Variants in CCDC171 observed in about 807,000 individuals in gnomAD.
CCDC171 encodes coiled-coil domain-containing protein 171.
A neutral mutation model predicts 168.2 loss-of-function variants in CCDC171; 177 were observed. That is an observed-to-expected ratio of 1.05 (90% CI 0.93 to 1.19). The LOEUF (loss-of-function observed/expected upper bound fraction) is 1.19. CCDC171 is among the 50% of genes most tolerant of loss of function. The probability of loss-of-function intolerance (pLI) is 0.00; values close to 1 mark genes in which losing one functional copy is unlikely to be tolerated. For missense variants in CCDC171, 1,991 were observed against 1,539.0 expected, an observed-to-expected ratio of 1.29 and a Z score of -4.91; for synonymous variants, 687 against 540.8, an observed-to-expected ratio of 1.27 and a Z score of -3.75.
intron 21 of CCDC171, among the ~76,000 whole-genome samples, chr9:15,835,140 G>A (rs2060388540): frequency 6.6e-6 from 1 of 152,186 alleles, no homozygotes; most frequent in African/African-American, 2.4e-5. Flanking sequence ...GTATTATGAT[G>A]TGACTATTAG....
chr9:15,642,343 G>GTGTACATA (rs1369419679), intron 7 of CCDC171, among the ~76,000 whole-genome samples: 3 of 107,570 alleles, frequency 2.8e-5, no homozygotes, highest in African/African-American at 1.5e-4. Flanking sequence ...GTGTGTGTGT[G>GTGTACATA]TATATATATA....
intron 6 of CCDC171, among the ~76,000 whole-genome samples, chr9:15,608,891 A>C (rs912550899): frequency 7.5e-6 from 1 of 132,966 alleles, no homozygotes; most frequent in Non-Finnish European, 1.5e-5. Flanking sequence ...CTGGGAGGTC[A>C]AGGCTGCATT....
intron 25 of CCDC171, among the ~76,000 whole-genome samples, chr9:15,969,616 A>G (rs2132776003): frequency 6.6e-6 from 1 of 152,304 alleles, no homozygotes; most frequent in African/African-American, 2.4e-5. Context: ...AAGATGTATC[A>G]AAACAAACTT....
chr9:15,960,079 C>G (rs1418743089), intron 25 of CCDC171, among the ~76,000 whole-genome samples: 2 of 152,118 alleles, frequency 1.3e-5, no homozygotes, highest in Non-Finnish European at 2.9e-5. Flanking sequence ...ATGAGCAGGA[C>G]AGGGAAGGAC....
chr9:16,006,476 A>C (rs1480955607), intron 3 of CCDC171, among the ~76,000 whole-genome samples: 1 of 152,152 alleles, frequency 6.6e-6, no homozygotes, highest in Non-Finnish European at 1.5e-5. Context: ...ACATGTGCAC[A>C]ACGTGCAGGT....
chr9:15,674,302 A>G (rs962301828), intron 9 of CCDC171, among the ~76,000 whole-genome samples: 1 of 152,036 alleles, frequency 6.6e-6, no homozygotes, highest in Non-Finnish European at 1.5e-5. Flanking sequence ...TGATCTTTTC[A>G]AAAAACGAGC....
At chr9:15,572,302 T>A (rs933362490) in intron 3 of CCDC171, among the ~76,000 whole-genome samples, 1 of 152,196 alleles carries the variant, frequency 6.6e-6, no homozygotes, top group African/African-American at 2.4e-5. Flanking sequence ...GCCTCTTCTC[T>A]CTGCTGTGTT....
chr9:15,905,402 C>A (rs1359583079), intron 24 of CCDC171, among the ~76,000 whole-genome samples: 1 of 152,160 alleles, frequency 6.6e-6, no homozygotes, highest in South Asian at 2.1e-4. Context: ...GGAAACTGAA[C>A]AACCTGCTCC....
the CCDC171 span, among the ~76,000 whole-genome samples, chr9:16,099,608 G>T: frequency 1.3e-5 from 2 of 152,150 alleles, no homozygotes; most frequent in Non-Finnish European, 2.9e-5. Context: ...CTTGTGGAAG[G>T]CACCTTTGTA....
chr9:15,868,749 G>T (rs2061899818), intron 23 of CCDC171, among the ~76,000 whole-genome samples: 1 of 151,902 alleles, frequency 6.6e-6, no homozygotes, highest in Non-Finnish European at 1.5e-5. Flanking sequence ...ATTATTGTTT[G>T]GCGCTAAGAG....
intron 7 of CCDC171, among the ~76,000 whole-genome samples, chr9:15,646,898 G>T (rs1467374518): frequency 1.3e-5 from 2 of 152,162 alleles, no homozygotes; most frequent in Non-Finnish European, 2.9e-5. Context: ...GCACCAAGTG[G>T]ACCTAATAGA....
intron 21 of CCDC171, among the ~76,000 whole-genome samples, chr9:15,825,859 C>T (rs2059990233): frequency 6.6e-6 from 1 of 152,124 alleles, no homozygotes; most frequent in South Asian, 2.1e-4. Flanking sequence ...GGTAGAGGGG[C>T]ACCAAAATGT....
At chr9:15,669,609 G>A (rs1034737552) in intron 9 of CCDC171, among the ~76,000 whole-genome samples, 2 of 152,072 alleles carry the variant, frequency 1.3e-5, no homozygotes. Flanking sequence ...TTAACCATCT[G>A]AATTTTCAAA....
intron 3 of CCDC171, among the ~76,000 whole-genome samples, chr9:15,577,033 GGTTT>G (rs2040727117): frequency 6.6e-6 from 1 of 152,144 alleles, no homozygotes; most frequent in African/African-American, 2.4e-5. Flanking sequence ...ATAGTTTTTA[GGTTT>G]GTTTAATTCT....
chr9:15,686,369 C>CA (rs2050393735), intron 10 of CCDC171, among the ~76,000 whole-genome samples: 1 of 151,934 alleles, frequency 6.6e-6, no homozygotes, highest in African/African-American at 2.4e-5. Context: ...ATGGTGCTAA[C>CA]AATCTTGGTC....
rs770179485 is a variant in CCDC171 at position 15,897,523 on chromosome 9, T to C, written c.3601-22747T>C. 3.8e-4 allele frequency among the ~76,000 whole-genome samples: 58 copies of C among 152,230 alleles called. 1 individual carries two copies. Among genetic ancestry groups the C allele is most frequent in the Non-Finnish European group, 6.9e-4 (47 of 67,990 alleles). On this transcript the variant is annotated intron_variant, in intron 24 of 25. Transcript: ENST00000380701. ...AATGAATGAAGTTCCCAAGAAAATA[T>C]CATTTGAAGTTCTTTTATTTGAAAT...
intron 18 of CCDC171, among the ~76,000 whole-genome samples, chr9:15,773,660 C>T (rs2057132357): frequency 6.6e-6 from 1 of 151,814 alleles, no homozygotes; most frequent in African/African-American, 2.4e-5. Flanking sequence ...CCTCTTATTT[C>T]TGTATTATTA....
rs1055963217 is a variant in CCDC171 at position 15,991,258 on chromosome 9, A to T, written n.369-29331A>T. Among the ~76,000 whole-genome samples the T allele has an allele frequency of 7.0e-4, 106 of 152,162 alleles. 1 individual carries two copies. Among genetic ancestry groups the T allele is most frequent in the African/African-American group, 2.3e-3 (97 of 41,412 alleles). On this transcript the variant is annotated intron_variant and non_coding_transcript_variant, in intron 3 of 9. Coordinates refer to the CCDC171 transcript ENST00000486641. ...CAGACCACAGTGCGATCAAACTAGA[A>T]CTCAGGATTAAGAAACTCACTCCAA...
At chr9:16,073,431 G>A in the CCDC171 span, among the ~76,000 whole-genome samples, 5 of 152,152 alleles carry the variant, frequency 3.3e-5, no homozygotes, top group Admixed American at 6.5e-5. Flanking sequence ...CTCTGTTCTT[G>A]TTACGTGGAT....
Sources: gnomAD v4.1 joint callset for allele counts (sites outside exome capture counted in the v4.1 genomes callset) on GRCh38, gnomAD v4.1.1 for gene constraint, MANE v1.5 for transcripts, NCBI Gene and HGNC (gene_info 2026-07-23, HGNC 2026-07-21) for gene names.